F8: variants seen among roughly 807,000 people sequenced by gnomAD.
F8 encodes coagulation factor VIII.
Under a neutral mutation model 140.6 loss-of-function variants are expected in F8, and 12 were observed. That is an observed-to-expected ratio of 0.09 (90% CI 0.05 to 0.14). The LOEUF (loss-of-function observed/expected upper bound fraction) is 0.14, where lower values mean the gene tolerates loss of function less well. F8 is among the 10% of genes least tolerant of loss of function. The pLI is 1.00. For synonymous variants in F8, 585 were observed against 614.6 expected (o/e 0.95, Z 0.71); for missense variants, 1,354 against 1,720.7 (o/e 0.79, Z 3.77).
chrX:155,012,110 T>G (rs55807428), intron 1 of F8, among the ~76,000 whole-genome samples: 8,918 of 111,859 alleles, frequency 0.08, 290 homozygotes, highest in Non-Finnish European at 0.097. Context: ...TAAAAACCAC[T>G]GAATTGTACA....
intron 1 of F8, among the ~76,000 whole-genome samples, chrX:155,013,893 CTCT>C (rs1303542167): frequency 9.0e-6 from 1 of 111,189 alleles, no homozygotes; most frequent in Non-Finnish European, 1.9e-5. Context: ...AGAACCTTCT[CTCT>C]TCTTATGAGG....
Position 154,964,857 on chromosome X carries a change from A to T in F8, c.1443+1113T>A, listed in dbSNP as rs1557281861. Among the ~76,000 whole-genome samples, 4 of 112,178 alleles carry T rather than the reference A, an allele frequency of 3.6e-5. No individual in the cohort carries two copies. In the South Asian group the frequency reaches 1.5e-3, roughly 42 times the overall value. On this transcript the variant is annotated intron_variant, in intron 9 of 25. Transcript: ENST00000360256. ...GATAGGAGGTTTTGACTATATAAAG[A>T]TGAAAAATCTTTGAAGGACAAAAAA...
intron 13 of F8, among the ~76,000 whole-genome samples, chrX:154,938,166 T>C (rs782568432): frequency 9.0e-6 from 1 of 111,521 alleles, no homozygotes; most frequent in East Asian, 2.8e-4. Context: ...TTTTTTTTGT[T>C]TTGTGTGACA....
rs1557278854 is a variant in F8, at chrX:154,931,591, G to A, written c.2199C>T (p.Asn733=). The change falls in exon 14 of 26, where the codon AAC becomes AAT. Residue 733 remains asparagine, a synonymous_variant. Coordinates refer to ENST00000360256, the MANE Select transcript of F8 (RefSeq NM_000132.4). ...AACTGTCCTCGTAATAATCACCAGT[G>A]TTCTTGTCACAACTAGAAACCTTCA... ...ALLKVSSCDK[N]TGDYYEDSYE... 9 of 1,211,250 alleles carry A rather than the reference G, an allele frequency of 7.4e-6. No homozygotes were observed. Among genetic ancestry groups the A allele is most frequent in the Non-Finnish European group, 1.0e-5 (9 of 895,042 alleles).
At chrX:154,905,827 T>G in intron 15 of F8, among the ~76,000 whole-genome samples, 1 of 111,693 alleles carries the variant, frequency 9.0e-6, no homozygotes, top group Middle Eastern at 4.6e-3. Flanking sequence ...TTTATAAAAT[T>G]AAGAGAAAAC....
chrX:154,845,548 C>A (rs1381179002), intron 25 of F8, among the ~76,000 whole-genome samples: 10 of 111,963 alleles, frequency 8.9e-5, no homozygotes, highest in African/African-American at 3.2e-4. Context: ...GGAATTTATC[C>A]ATTTCTTCTA....
chrX:154,980,233 G>T (rs1243682475), intron 6 of F8, among the ~76,000 whole-genome samples: 2 of 111,386 alleles, frequency 1.8e-5, no homozygotes, highest in Non-Finnish European at 3.8e-5. Flanking sequence ...TTGTATTTTT[G>T]GATAACCTGT....
chrX:154,854,478 C>A (rs1203958486), intron 25 of F8, among the ~76,000 whole-genome samples: 3 of 111,524 alleles, frequency 2.7e-5, no homozygotes, highest in Non-Finnish European at 5.6e-5. Context: ...GGTCTGTAGC[C>A]TGCTGGTCTT....
At chrX:154,961,345 G>A (rs1462070860) in intron 9 of F8, among the ~76,000 whole-genome samples, 177 bp from the exon 10 acceptor site, 3 of 111,464 alleles carry the variant, frequency 2.7e-5, no homozygotes, top group African/African-American at 9.8e-5. Flanking sequence ...CATGCATGGA[G>A]GATTGGTTCC....
chrX:154,946,613 T>C (rs1426862599), intron 13 of F8, among the ~76,000 whole-genome samples: 6 of 111,611 alleles, frequency 5.4e-5, no homozygotes, highest in Admixed American at 9.6e-5. Flanking sequence ...CCTGAAAGTA[T>C]GAAACTACTG....
chrX:154,957,132 T>A lies in F8; in HGVS notation c.1577A>T (p.Glu526Val), dbSNP rs1034849525. The part of the protein sequence containing the change: ...HLKDFPILPG[E>V]IFKYKWTVTV... The stretch of plus-strand genomic sequence containing the variant: ...CACTGTCCATTTATATTTGAATATT[T>A]CTCCTGGCAGAATTGGAAAATCCTT... Residue 526 changes from glutamate (E) to valine (V), a missense_variant, in exon 11 of 26, where the codon GAA becomes GTA. By Grantham distance (121) the Glu-to-Val change is moderately radical. Around this residue, in one of 4 missense-constraint regions of F8, gnomAD observed 252 missense variants for 338.5 expected, o/e 0.74. Coordinates refer to ENST00000360256, the MANE Select transcript of F8 (RefSeq NM_000132.4). The A allele has an allele frequency of 5.8e-6, 7 of 1,209,316 alleles. No homozygotes were observed. The highest frequency in any genetic ancestry group is 7.8e-6 in the Non-Finnish European group (7 of 894,998).
At chrX:154,875,001 G>T (rs2072801238) in intron 22 of F8, among the ~76,000 whole-genome samples, 1 of 112,062 alleles carries the variant, frequency 8.9e-6, no homozygotes, top group Admixed American at 9.5e-5. Flanking sequence ...ATATATATCT[G>T]ATGGAATATT....
chrX:154,918,094 A>C (rs2073108022), intron 14 of F8, among the ~76,000 whole-genome samples: 1 of 112,084 alleles, frequency 8.9e-6, no homozygotes, highest in African/African-American at 3.2e-5. Context: ...TGTATGAATT[A>C]GAGCTTCCTT....
rs782668916 is a variant in F8, at chrX:154,992,955, G to A, written c.582C>T (p.Ala194=). 1 of 1,208,863 alleles carries A rather than the reference G, an allele frequency of 8.3e-7. No individual in the cohort carries two copies. The highest frequency in any genetic ancestry group is 3.0e-5 in the East Asian group (1 of 33,751). Residue 194 remains alanine, a synonymous_variant, in exon 4 of 26, where the codon GCC becomes GCT. Transcript: ENST00000360256. ...VKDLNSGLIG[A]LLVCREGSLA... ...ACTTACCTTCTCTACATACTAGTAGGGCTCCAATGAGGCCTGAATTCAAGT... is the reference window on the plus strand; with the variant it reads ...ACTTACCTTCTCTACATACTAGTAGAGCTCCAATGAGGCCTGAATTCAAGT...
intron 20 of F8, among the ~76,000 whole-genome samples, chrX:154,900,608 A>G (rs1447880541): frequency 8.9e-6 from 1 of 112,497 alleles, no homozygotes; most frequent in Non-Finnish European, 1.9e-5. Context: ...TACAAATAAA[A>G]GACATTTTAA....
intron 25 of F8, among the ~76,000 whole-genome samples, chrX:154,847,476 T>C (rs1213287684): frequency 8.9e-6 from 1 of 112,022 alleles, no homozygotes; most frequent in Non-Finnish European, 1.9e-5. Flanking sequence ...GGAGGCTTTG[T>C]TCATTTCTTT....
chrX:154,918,995 C>A, intron 14 of F8: 1 of 111,151 alleles, frequency 9.0e-6, no homozygotes, highest in East Asian at 2.7e-4. Flanking sequence ...TCAATGGTTC[C>A]TTTGTTGATC....
intron 6 of F8, among the ~76,000 whole-genome samples, chrX:154,982,303 C>A (rs1484259875): frequency 1.1e-4 from 12 of 105,515 alleles, no homozygotes; most frequent in African/African-American, 4.2e-4. Context: ...AAAAATTAGC[C>A]AGTCGAGGTG....
chrX:154,872,069 G>C (rs1569559373), intron 22 of F8, among the ~76,000 whole-genome samples: 1 of 112,069 alleles, frequency 8.9e-6, no homozygotes, highest in Non-Finnish European at 1.9e-5. Flanking sequence ...AGAGGTTGTG[G>C]AAAAATAGGA....
Sources: allele counts gnomAD v4.1 joint callset (sites outside exome capture counted in the v4.1 genomes callset), GRCh38; gene constraint gnomAD v4.1.1; regional missense constraint gnomAD v4.1.1; transcripts MANE v1.5; gene names NCBI Gene and HGNC (gene_info 2026-07-23, HGNC 2026-07-21).